The following ZSWIM5 variants were observed in gnomAD, a reference collection of about 807,000 sequenced individuals.
ZSWIM5 encodes the protein zinc finger SWIM domain-containing protein 5.
ZSWIM5 carries 55 observed loss-of-function variants against 119.6 expected under a neutral mutation model. That is an observed-to-expected ratio of 0.46 (90% CI 0.37 to 0.58). The LOEUF is 0.58. Among genes scored for constraint, ZSWIM5 ranks in the 20% least tolerant of loss-of-function variants. The probability of loss-of-function intolerance (pLI) is 0.00; values close to 1 mark genes in which losing one functional copy is unlikely to be tolerated. For synonymous variants in ZSWIM5, 537 were observed against 606.9 expected (o/e 0.88, Z 1.69); for missense variants, 1,193 against 1,512.8 (o/e 0.79, Z 3.51).
chr1:45,038,604 C>CTTTTTTTTTTTTTTTTT lies in ZSWIM5; in HGVS notation c.1894+315_1894+331dup. On this transcript the variant is annotated intron_variant, in intron 8 of 13. Coordinates refer to ENST00000359600, the MANE Select transcript of ZSWIM5 (RefSeq NM_020883.2). ...GGAGAAAAGGGCTGACGAGGGCAGT[C>CTTTTTTTTTTTTTTTTT]TTTTTTTTTTTTTTTTTAATGAAAC... is the stretch of plus-strand genomic sequence containing the variant. 1.4e-4 allele frequency among the ~76,000 whole-genome samples: 7 copies of CTTTTTTTTTTTTTTTTT among 48,504 alleles called. 3 individuals carry two copies. Among genetic ancestry groups the CTTTTTTTTTTTTTTTTT allele is most frequent in the Admixed American group, 8.9e-4 (2 of 2,258 alleles). The allele number at this position is 48,504 out of a possible 152,430, so 31.8% of individuals were successfully genotyped here.
At chr1:45,179,324 T>C (rs1298627650) in intron 1 of ZSWIM5, among the ~76,000 whole-genome samples, 2 of 152,134 alleles carry the variant, frequency 1.3e-5, no homozygotes, top group African/African-American at 4.8e-5. Context: ...ACCATTATGC[T>C]ATGTTAATTA....
chr1:45,140,893 G>A (rs947750947), intron 1 of ZSWIM5, among the ~76,000 whole-genome samples: 1 of 152,150 alleles, frequency 6.6e-6, no homozygotes, highest in Non-Finnish European at 1.5e-5. Context: ...TGAACCAGCA[G>A]TGAGTTTATC....
intron 1 of ZSWIM5, among the ~76,000 whole-genome samples, chr1:45,195,760 A>ATT (rs1250894558): frequency 5.9e-5 from 9 of 152,334 alleles, no homozygotes; most frequent in Non-Finnish European, 1.2e-4. Context: ...AATAGAAAAG[A>ATT]AAGTTGACAT....
chr1:45,116,730 CTGTCT>C (rs1645560444), intron 1 of ZSWIM5, among the ~76,000 whole-genome samples: 1 of 152,098 alleles, frequency 6.6e-6, no homozygotes, highest in East Asian at 1.9e-4. Context: ...TTCCAGTTTA[CTGTCT>C]AGGACTTTTG....
At chr1:45,108,243 C>T (rs1645493818) in intron 1 of ZSWIM5, among the ~76,000 whole-genome samples, 1 of 152,130 alleles carries the variant, frequency 6.6e-6, no homozygotes, top group African/African-American at 2.4e-5. Context: ...TAATGTCTAC[C>T]ACCTGACTTA....
intron 7 of ZSWIM5, among the ~76,000 whole-genome samples, chr1:45,039,355 C>T (rs1055757163): frequency 6.6e-6 from 1 of 152,226 alleles, no homozygotes; most frequent in African/African-American, 2.4e-5. Context: ...GTTGGGACTA[C>T]AGGCACATGC....
At chr1:45,042,694 A>G (rs1357159479) in intron 6 of ZSWIM5, among the ~76,000 whole-genome samples, 7 of 152,362 alleles carry the variant, frequency 4.6e-5, no homozygotes, top group African/African-American at 1.4e-4. Context: ...AGGGAAAGCC[A>G]GGAAACTATT....
At chr1:45,193,938 GTATATA>G in intron 1 of ZSWIM5, among the ~76,000 whole-genome samples, 1 of 146,274 alleles carries the variant, frequency 6.8e-6, no homozygotes, top group Non-Finnish European at 1.5e-5. Flanking sequence ...GTGCATATGT[GTATATA>G]TATATATATA....
intron 1 of ZSWIM5, among the ~76,000 whole-genome samples, chr1:45,127,056 T>C (rs1645626049): frequency 6.6e-6 from 1 of 152,062 alleles, no homozygotes; most frequent in African/African-American, 2.4e-5. Flanking sequence ...CCAAAGACAG[T>C]ATCAAGTAAG....
At position 45,036,195 on chromosome 1, in the gene ZSWIM5, T is replaced by A. The variant is rs781497326; in HGVS notation, c.1999A>T (p.Met667Leu). The A allele has an allele frequency of 1.9e-6, 3 of 1,614,118 alleles. No individual in the cohort carries two copies. In the South Asian group the frequency reaches 3.3e-5, roughly 18 times the overall value. The change falls in exon 9 of 14, where the codon ATG becomes TTG. Residue 667 changes from methionine to leucine, a missense_variant. Physicochemically the swap from Met to Leu is conservative, Grantham distance 15. This residue lies in a region of ZSWIM5 where 961 missense variants were observed against 1,290.0 expected (regional missense o/e 0.74). Transcript: ENST00000359600. ...ATTAACCTCTGTTGACCCAGGCCCA[T>A]CAGTGCAACTTCCAGGGCCAATGAC... is the stretch of plus-strand genomic sequence containing the variant. ...YLSLALEVAL[M>L]GLGQQRLMPE...
At chr1:45,164,033 T>G (rs1381441229) in intron 1 of ZSWIM5, among the ~76,000 whole-genome samples, 1 of 151,974 alleles carries the variant, frequency 6.6e-6, no homozygotes, top group Admixed American at 6.6e-5. Flanking sequence ...TTCACCAAAG[T>G]TGAAATGAAG....
rs1022988703 is a variant in ZSWIM5, at chr1:45,181,686, G to T, written c.595+24070C>A. ...ATGTTGAGGGCAGCCAGAGAGAAAGGTCAGGTTACCCACAAAGGGAAGCCC... is the reference window on the plus strand; with the variant it reads ...ATGTTGAGGGCAGCCAGAGAGAAAGTTCAGGTTACCCACAAAGGGAAGCCC... On this transcript the variant is annotated intron_variant, in intron 1 of 13. Coordinates refer to ENST00000359600, the MANE Select transcript of ZSWIM5 (RefSeq NM_020883.2). Among the ~76,000 whole-genome samples the T allele has an allele frequency of 2.6e-5, 4 of 152,008 alleles. 1 individual carries two copies. The highest frequency in any genetic ancestry group is 4.4e-5 in the Non-Finnish European group (3 of 67,992).
At chr1:45,074,810 T>G (rs1645246793) in intron 2 of ZSWIM5, among the ~76,000 whole-genome samples, 1 of 151,940 alleles carries the variant, frequency 6.6e-6, no homozygotes, top group Non-Finnish European at 1.5e-5. Context: ...ATCATTAGAT[T>G]GTTTATTTGA....
rs75815703 is a variant in ZSWIM5 at position 45,116,653 on chromosome 1, C to G, written c.596-28416G>C. On this transcript the variant is annotated intron_variant, in intron 1 of 13. Transcript: ENST00000359600. ...AGGTATGGCAGGAAAAACCAATGGC[C>G]AAACAGTATAACCTCCGAAAATGAT... Among the ~76,000 whole-genome samples the G allele has an allele frequency of 1.9e-3, 293 of 152,124 alleles. 1 individual carries two copies. Among genetic ancestry groups the G allele is most frequent in the African/African-American group, 6.6e-3 (275 of 41,508 alleles).
rs1644862050 is a variant in ZSWIM5 at position 45,017,560 on chromosome 1, A to G, written c.*894T>C. Reference sequence around the variant, plus strand: ...CACAGATGTATCTATGTACATACACACATGTACTTAGCCATAAAGATACAC... The same window carrying G: ...CACAGATGTATCTATGTACATACACGCATGTACTTAGCCATAAAGATACAC... On this transcript the variant is annotated 3_prime_UTR_variant, in exon 14 of 14. Transcript: ENST00000359600. 6.6e-6 allele frequency: 1 copy of G among 152,250 alleles called. No homozygotes were observed. The highest frequency in any genetic ancestry group is 2.1e-4 in the South Asian group (1 of 4,834). 9.4% of individuals were successfully genotyped at this position (152,250 alleles called of 1,614,324 possible).
chr1:45,197,894 G>A (rs2149056157), intron 1 of ZSWIM5, among the ~76,000 whole-genome samples: 1 of 152,324 alleles, frequency 6.6e-6, no homozygotes, highest in Non-Finnish European at 1.5e-5. Context: ...AGAAAGAATG[G>A]TGAAACCACT....
chr1:45,160,982 C>T (rs960047573), intron 1 of ZSWIM5, among the ~76,000 whole-genome samples: 3 of 124,352 alleles, frequency 2.4e-5, no homozygotes, highest in Non-Finnish European at 5.3e-5. Flanking sequence ...CCACCATGCC[C>T]GGCTAAATTT....
chr1:45,094,728 T>C (rs1281552744), intron 1 of ZSWIM5, among the ~76,000 whole-genome samples: 1 of 151,862 alleles, frequency 6.6e-6, no homozygotes, highest in Non-Finnish European at 1.5e-5. Flanking sequence ...CCAGGCGTGG[T>C]GGTGCACGCC....
At chr1:45,085,179 C>A (rs1190023162) in intron 2 of ZSWIM5, among the ~76,000 whole-genome samples, 1 of 152,236 alleles carries the variant, frequency 6.6e-6, no homozygotes, top group Non-Finnish European at 1.5e-5. Context: ...CGGCCTAAGA[C>A]ATATCTGGGG....
Sources: allele counts gnomAD v4.1 joint callset (sites outside exome capture counted in the v4.1 genomes callset), GRCh38; gene constraint gnomAD v4.1.1; regional missense constraint gnomAD v4.1.1; transcripts MANE v1.5; gene names NCBI Gene and HGNC (gene_info 2026-07-23, HGNC 2026-07-21).